The following IFFO1 variants were observed in gnomAD, a reference collection of about 807,000 sequenced individuals.
IFFO1 encodes the protein non-homologous end joining factor IFFO1.
IFFO1 carries 42 observed loss-of-function variants against 59.6 expected under a neutral mutation model. The ratio of observed to expected loss-of-function variants is 0.70; its 90% CI spans 0.55 to 0.91. The LOEUF (loss-of-function observed/expected upper bound fraction) is 0.91. Among genes scored for constraint, IFFO1 ranks in the 40% least tolerant of loss-of-function variants. IFFO1 has a pLI of 0.00. For missense variants in IFFO1, 711 were observed against 793.2 expected (o/e 0.90, Z 1.24); for synonymous variants, 336 against 342.8 (o/e 0.98, Z 0.22).
Position 6,551,073 on chromosome 12 carries a change from C to CA in IFFO1, c.774-73dup. ...CCCTGCCCCCATGGCTCCCTGTCCC[C>CA]ACCTCTCTGGCTCAGGCCTCAGACC... is the stretch of plus-strand genomic sequence containing the variant. On this transcript the variant is annotated intron_variant, in intron 1 of 9. Transcript: ENST00000619571. 2.7e-6 allele frequency: 4 copies of CA among 1,481,350 alleles called. No homozygotes were observed. In the South Asian group the frequency reaches 4.6e-5, roughly 17 times the overall value. The allele number at this position is 1,481,350 out of a possible 1,614,324, so 91.8% of individuals were successfully genotyped here.
chr12:6,545,617 G>A (rs1232375062), intron 8 of IFFO1, among the ~76,000 whole-genome samples: 1 of 151,132 alleles, frequency 6.6e-6, no homozygotes, highest in Non-Finnish European at 1.5e-5. Context: ...AGAATGGCGT[G>A]AACCCAGGAG....
Position 6,540,240 on chromosome 12 carries a change from G to T in IFFO1, c.*243C>A. 1 of 571,974 alleles carries T rather than the reference G, an allele frequency of 1.7e-6. No homozygotes were observed. 35.4% of individuals were successfully genotyped at this position (571,974 alleles called of 1,614,324 possible). ...GAAGTAGCAGACACCCACGCGTGAA[G>T]GCAGGAGAGCCCCAACTGTGGTGGA... On this transcript the variant is annotated 3_prime_UTR_variant, in exon 10 of 10. Transcript: ENST00000619571.
At chr12:6,544,751 C>T (rs576025664) in intron 8 of IFFO1, 3 of 152,326 alleles carry the variant, frequency 2.0e-5, no homozygotes, top group East Asian at 3.9e-4. Context: ...ACTGGTTTCC[C>T]TTGCCATGTC....
chr12:6,542,650 C>T (rs1946771420), intron 8 of IFFO1, among the ~76,000 whole-genome samples: 3 of 152,300 alleles, frequency 2.0e-5, no homozygotes, highest in Middle Eastern at 6.8e-3. Context: ...GGTGAGATGG[C>T]GGCTGGCTGG....
chr12:6,540,610 C>T (rs777281422), intron 9 of IFFO1, 22 bp from the exon 10 acceptor site: 55 of 1,597,554 alleles, frequency 3.4e-5, no homozygotes, highest in Middle Eastern at 3.3e-4. Context: ...CACCAGTTGT[C>T]AACCTTGGGG....
chr12:6,549,182 G>C lies in IFFO1; in HGVS notation c.1080+294C>G. 2.0e-6 allele frequency: 1 copy of C among 494,574 alleles called. No individual in the cohort carries two copies. Among genetic ancestry groups the C allele is most frequent in the Non-Finnish European group, 3.5e-6 (1 of 283,634 alleles). The allele number at this position is 494,574 out of a possible 1,614,324, so 30.6% of individuals were successfully genotyped here. ...CTAAAAAAAGTCTTTTTGATTAAAT[G>C]ACTCAACTAAAAAAAAAAAAGCTTT... On this transcript the variant is annotated intron_variant, in intron 5 of 9. Coordinates refer to ENST00000619571, the MANE Select transcript of IFFO1 (RefSeq NM_001193457.2). The surrounding 1 kb of genome is among the most constrained non-coding windows in gnomAD (Gnocchi z 5.0).
At position 6,548,552 on chromosome 12, in the gene IFFO1, A is replaced by T. The variant is rs750753542; in HGVS notation, c.1263-7T>A. On this transcript the variant is annotated splice_polypyrimidine_tract_variant and splice_region_variant and intron_variant, in intron 6 of 9. Coordinates refer to ENST00000619571, the MANE Select transcript of IFFO1 (RefSeq NM_001193457.2). This position sits in a 1 kb window ranked among gnomAD's most constrained non-coding sequence, Gnocchi z 6.1. Reference sequence around the variant, plus strand: ...CTCAAAATCATACTCCCTCCTAGAGACAGGGAACCCGGGTGTCAGGGCGGG... The same window carrying T: ...CTCAAAATCATACTCCCTCCTAGAGTCAGGGAACCCGGGTGTCAGGGCGGG... The T allele has an allele frequency of 2.5e-6, 4 of 1,613,604 alleles. No homozygotes were observed. The Admixed American group carries it at 6.7e-5, about 27-fold the overall frequency.
In IFFO1 at chr12:6,555,415, G is replaced by C; in HGVS notation, c.615C>G (p.Leu205=). The C allele has an allele frequency of 1.2e-6, 2 of 1,614,054 alleles. No homozygotes were observed. Among genetic ancestry groups the C allele is most frequent in the Non-Finnish European group, 1.7e-6 (2 of 1,179,962 alleles). The change falls in exon 1 of 10, where the codon CTC becomes CTG. Residue 205 remains leucine, a synonymous_variant. Coordinates refer to ENST00000619571, the MANE Select transcript of IFFO1 (RefSeq NM_001193457.2). This position sits in a 1 kb window ranked among gnomAD's most constrained non-coding sequence, Gnocchi z 8.6. ...CCAGAGTGGGCTCCAGTCCCGGCCC[G>C]AGCCGGCGGGCGTGCGAGAACGACC... ...TIWSFSHARR[L]GPGLEPTLVQ... is the part of the protein sequence containing the mutation.
intron 3 of IFFO1, chr12:6,550,178 C>T (rs965534598): frequency 6.6e-5 from 27 of 410,216 alleles, no homozygotes; most frequent in Middle Eastern, 1.3e-3. Flanking sequence ...CTCACTGGAA[C>T]GACTAGCGGT....
chr12:6,548,795 G>A lies in IFFO1; in HGVS notation c.1135C>T (p.Arg379Cys), dbSNP rs1947093950. Residue 379 changes from arginine (R) to cysteine (C), a missense_variant, in exon 6 of 10, where the codon CGC becomes TGC. Arg to Cys is a radical substitution (Grantham distance 180, BLOSUM62 -3). Around this residue, in one of 3 missense-constraint regions of IFFO1, gnomAD observed 579 missense variants for 650.3 expected, o/e 0.89. Coordinates refer to ENST00000619571, the MANE Select transcript of IFFO1 (RefSeq NM_001193457.2). This position sits in a 1 kb window ranked among gnomAD's most constrained non-coding sequence, Gnocchi z 6.1. Reference protein sequence around the residue: ...VPSMGGRKRERKAAVEEDTSL... With the variant: ...VPSMGGRKRECKAAVEEDTSL... ...GTGTCCTCCTCGACGGCAGCCTTGC[G>A]CTCCCGCTTCCGCCCCCCCATGGAT... The A allele has an allele frequency of 8.7e-6, 14 of 1,613,736 alleles. No homozygotes were observed. Among genetic ancestry groups the A allele is most frequent in the South Asian group, 1.1e-5 (1 of 91,062 alleles).
rs75531867 is a variant in IFFO1, at chr12:6,551,594, C to T, written c.774-593G>A. The T allele has an allele frequency of 2.7e-3, 1,761 of 656,392 alleles. 26 individuals carry two copies. The East Asian group carries it at 0.049, about 18-fold the overall frequency. The allele number at this position is 656,392 out of a possible 1,614,324, so 40.7% of individuals were successfully genotyped here. The stretch of plus-strand genomic sequence containing the variant: ...CCCCACTAGCTCCAGAAACTACCCA[C>T]CCAGAGCCTCCTCTAAGGGAGTCAC... On this transcript the variant is annotated intron_variant, in intron 1 of 9. Transcript: ENST00000619571.
Position 6,549,553 on chromosome 12 carries a change from G to T in IFFO1, c.1072-69C>A. The T allele has an allele frequency of 1.4e-6, 2 of 1,398,376 alleles. No homozygotes were observed. Among genetic ancestry groups the T allele is most frequent in the Non-Finnish European group, 2.0e-6 (2 of 985,028 alleles). 86.6% of individuals were successfully genotyped at this position (1,398,376 alleles called of 1,614,324 possible). A position where few individuals can be genotyped will look rare whatever the true frequency, so the allele number is the denominator to read the frequency against. On this transcript the variant is annotated intron_variant, in intron 4 of 9. Coordinates refer to ENST00000619571, the MANE Select transcript of IFFO1 (RefSeq NM_001193457.2). This position sits in a 1 kb window ranked among gnomAD's most constrained non-coding sequence, Gnocchi z 5.0. Reference sequence around the variant, plus strand: ...GAAGCAGACAGAGGAGAGAGAGGGGGAAGGGAGAGACGGCGTTAGAGACAG... The same window carrying T: ...GAAGCAGACAGAGGAGAGAGAGGGGTAAGGGAGAGACGGCGTTAGAGACAG...
Position 6,548,927 on chromosome 12 carries a change from A to G in IFFO1, c.1081-78T>C, listed in dbSNP as rs1220420824. The G allele has an allele frequency of 8.0e-7, 1 of 1,253,514 alleles. No homozygotes were observed. The highest frequency in any genetic ancestry group is 1.1e-6 in the Non-Finnish European group (1 of 895,120). The allele number at this position is 1,253,514 out of a possible 1,614,324, so 77.6% of individuals were successfully genotyped here. ...GGCAGAGAGGGTGGGAATGGGGGAG[A>G]AGCATGAACCAGTAGGAAGGGGGGG... On this transcript the variant is annotated intron_variant, in intron 5 of 9. Coordinates refer to ENST00000619571, the MANE Select transcript of IFFO1 (RefSeq NM_001193457.2). This position sits in a 1 kb window ranked among gnomAD's most constrained non-coding sequence, Gnocchi z 6.1.
chr12:6,543,222 G>C (rs1010811456), intron 8 of IFFO1, among the ~76,000 whole-genome samples: 3 of 152,228 alleles, frequency 2.0e-5, no homozygotes, highest in African/African-American at 4.8e-5. Flanking sequence ...GGCACCTTGG[G>C]TACTCCTGAG....
chr12:6,552,852 A>C (rs1016203706), intron 1 of IFFO1, among the ~76,000 whole-genome samples: 23 of 152,128 alleles, frequency 1.5e-4, no homozygotes, highest in African/African-American at 5.6e-4. Flanking sequence ...TTTCACCTCC[A>C]TTTCCATCTG....
In IFFO1 at chr12:6,550,707, C is replaced by T; in HGVS notation, c.918G>A (p.Gly306=). The change falls in exon 3 of 10, where the codon GGG becomes GGA. Residue 306 remains glycine, a synonymous_variant. Coordinates refer to ENST00000619571, the MANE Select transcript of IFFO1 (RefSeq NM_001193457.2). Reference sequence around the variant, plus strand: ...GGGCTGCACTCACGTTACTCATGAGCCCCTTGAAGACCACCAGCTCAGCCT... The same window carrying T: ...GGGCTGCACTCACGTTACTCATGAGTCCCTTGAAGACCACCAGCTCAGCCT... ...QLKAELVVFK[G]LMSNNLSELD... is the part of the protein sequence containing the mutation. The T allele has an allele frequency of 6.2e-7, 1 of 1,614,000 alleles. No homozygotes were observed. The highest frequency in any genetic ancestry group is 2.2e-5 in the East Asian group (1 of 44,890).
rs1240511092 is a variant in IFFO1 at position 6,549,364 on chromosome 12, G to GA, written c.1080+111dup. 9.6e-7 allele frequency: 1 copy of GA among 1,043,738 alleles called. No individual in the cohort carries two copies. Among genetic ancestry groups the GA allele is most frequent in the Non-Finnish European group, 1.5e-6 (1 of 682,074 alleles). 64.7% of individuals were successfully genotyped at this position (1,043,738 alleles called of 1,614,324 possible). A position where few individuals can be genotyped will look rare whatever the true frequency, so the allele number is the denominator to read the frequency against. ...AAGAGCAAGGAAAAGGGAAAGGGCAGAAAAAAATCCGTGCTCAAGAGCCCA... is the reference window on the plus strand; with the variant it reads ...AAGAGCAAGGAAAAGGGAAAGGGCAGAAAAAAAATCCGTGCTCAAGAGCCCA... On this transcript the variant is annotated intron_variant, in intron 5 of 9. Transcript: ENST00000619571. The surrounding 1 kb of genome is among the most constrained non-coding windows in gnomAD (Gnocchi z 5.0).
Position 6,555,875 on chromosome 12 carries a change from G to A in IFFO1, c.155C>T (p.Ser52Leu), listed in dbSNP as rs757595615. ...CGGGGCCGGGCCCGGCCCGGGCGGC[G>A]AGTAGGCAGCAGGGCCGGCCGGCGA... The part of the protein sequence containing the change: ...PLSPAGPAAY[S>L]PPGPGPAPPA... Residue 52 changes from serine to leucine, a missense_variant, in exon 1 of 10, where the codon TCG becomes TTG. This residue lies in a region of IFFO1 where 114 missense variants were observed against 102.4 expected (regional missense o/e 1.11). Transcript: ENST00000619571. The surrounding 1 kb of genome is among the most constrained non-coding windows in gnomAD (Gnocchi z 8.6). 6.2e-7 allele frequency: 1 copy of A among 1,604,940 alleles called. No individual in the cohort carries two copies. Among genetic ancestry groups the A allele is most frequent in the South Asian group, 1.1e-5 (1 of 90,710 alleles).
In IFFO1 at chr12:6,555,763, G is replaced by C; in HGVS notation, c.267C>G (p.Ala89=). The C allele has an allele frequency of 6.2e-7, 1 of 1,613,278 alleles. No individual in the cohort carries two copies. The highest frequency in any genetic ancestry group is 1.1e-5 in the South Asian group (1 of 91,042). ...TCCGGCGCTCCAGCTCATGCACCTT[G>C]GCCAGGAAGCAGCGGAACCGGAGGT... ...TLNLRFRCFL[A]KVHELERRNR... is the part of the protein sequence containing the mutation. Residue 89 remains alanine (A), a synonymous_variant, in exon 1 of 10, where the codon GCC becomes GCG. Transcript: ENST00000619571. This position sits in a 1 kb window ranked among gnomAD's most constrained non-coding sequence, Gnocchi z 8.6.
Sources: gnomAD v4.1 joint callset for allele counts (sites outside exome capture counted in the v4.1 genomes callset) on GRCh38, gnomAD v4.1.1 for gene constraint, gnomAD v4.1.1 regional missense constraint, Gnocchi (gnomAD v3.1) non-coding constraint, MANE v1.5 for transcripts, NCBI Gene and HGNC (gene_info 2026-07-23, HGNC 2026-07-21) for gene names.